The following TMTC1 variants were observed in gnomAD, a reference collection of about 807,000 sequenced individuals.
TMTC1 encodes the protein protein O-mannosyl-transferase TMTC1.
In TMTC1, 73 loss-of-function variants were observed where a neutral mutation model predicts 104.8. The ratio of observed to expected loss-of-function variants is 0.70; its 90% confidence interval spans 0.58 to 0.85. The LOEUF is 0.85. Ranked by LOEUF, TMTC1 falls within the 40% of genes least tolerant of loss-of-function variation. The probability of loss-of-function intolerance (pLI) is 0.00; values close to 1 mark genes in which losing one functional copy is unlikely to be tolerated. For missense variants in TMTC1, 1,035 were observed against 1,096.1 expected (o/e 0.94, Z 0.79); for synonymous variants, 434 against 428.7 (o/e 1.01, Z -0.15).
rs371129485 is a variant in TMTC1 at position 29,528,914 on chromosome 12, CA to C, written c.1785+7294del. ...TATATAAAAATAATTATTTTCAAAG[CA>C]AAAAAAATAGCGAGAATAGTGGCAT... On this transcript the variant is annotated intron_variant, in intron 11 of 17. Coordinates refer to ENST00000539277, the MANE Select transcript of TMTC1 (RefSeq NM_001193451.2). 7.3e-5 allele frequency among the ~76,000 whole-genome samples: 11 copies of C among 150,690 alleles called. No homozygotes were observed. The South Asian group carries it at 8.4e-4, about 11-fold the overall frequency.
chr12:29,695,793 T>TATA (rs1555188366), intron 5 of TMTC1, among the ~76,000 whole-genome samples: 1,048 of 83,476 alleles, frequency 0.013, 13 homozygotes, highest in Admixed American at 0.025. Flanking sequence ...TACTTCCTTT[T>TATA]TATATATATA....
intron 5 of TMTC1, among the ~76,000 whole-genome samples, chr12:29,749,853 C>T (rs533204475): frequency 4.6e-5 from 7 of 152,080 alleles, no homozygotes; most frequent in Admixed American, 4.6e-4. Flanking sequence ...TTAGCGAGTC[C>T]TATTGGGTCT....
chr12:29,689,455 A>T (rs1941198398), intron 5 of TMTC1, among the ~76,000 whole-genome samples: 1 of 152,088 alleles, frequency 6.6e-6, no homozygotes, highest in Admixed American at 6.6e-5. Context: ...CTGGGACTAC[A>T]GGCGTGCGCC....
chr12:29,742,100 ATC>A (rs1388089084), intron 5 of TMTC1, among the ~76,000 whole-genome samples: 1 of 152,188 alleles, frequency 6.6e-6, no homozygotes, highest in Non-Finnish European at 1.5e-5. Flanking sequence ...GAAAAAAAAA[ATC>A]TCTGATAAAG....
chr12:29,601,816 T>TAAG (rs1946572776), intron 7 of TMTC1, among the ~76,000 whole-genome samples: 1 of 151,904 alleles, frequency 6.6e-6, no homozygotes, highest in African/African-American at 2.4e-5. Context: ...AAACACTTTC[T>TAAG]AAGTTTTATA....
chr12:29,586,194 T>G (rs1946128742), intron 7 of TMTC1, among the ~76,000 whole-genome samples: 1 of 152,198 alleles, frequency 6.6e-6, no homozygotes, highest in African/African-American at 2.4e-5. Context: ...TTATTCTCTT[T>G]GAAGCAATTG....
rs2136114231 is a variant in TMTC1, at chr12:29,502,390, A to G, written c.*4456T>C. On this transcript the variant is annotated 3_prime_UTR_variant, in exon 18 of 18. Coordinates refer to ENST00000539277, the MANE Select transcript of TMTC1 (RefSeq NM_001193451.2). ...TAACAAGTACAAAGAAATAATTAAC[A>G]AAAGCTCATGTGTGCCCAAAATAAA... 1 of 152,018 alleles carries G rather than the reference A, an allele frequency of 6.6e-6. No homozygotes were observed. The highest frequency in any genetic ancestry group is 6.5e-5 in the Admixed American group (1 of 15,276). The allele number at this position is 152,018 out of a possible 1,614,324, so 9.4% of individuals were successfully genotyped here.
intron 9 of TMTC1, among the ~76,000 whole-genome samples, chr12:29,570,881 A>AAC (rs1945651903): frequency 1.2e-3 from 37 of 31,322 alleles, no homozygotes; most frequent in Non-Finnish European, 2.3e-3. Context: ...AAACAGAAAC[A>AAC]CCCCCCCCCC....
Position 29,641,272 on chromosome 12 carries a change from TAGG to T in TMTC1, c.939-7939_939-7937del, listed in dbSNP as rs546784882. On this transcript the variant is annotated intron_variant, in intron 5 of 17. Transcript: ENST00000539277. ...CTCTCTGGAAAGCACCACCTCCTGG[TAGG>T]AGGCCAACCAGCACAAAAATAGAGC... is the stretch of plus-strand genomic sequence containing the variant. 2.6e-5 allele frequency: 4 copies of T among 152,528 alleles called. No individual in the cohort carries two copies. The South Asian group carries it at 6.2e-4, about 24-fold the overall frequency. 9.4% of individuals were successfully genotyped at this position (152,528 alleles called of 1,614,324 possible).
chr12:29,586,373 A>G (rs555783865), intron 7 of TMTC1, among the ~76,000 whole-genome samples: 3,213 of 152,278 alleles, frequency 0.021, 57 homozygotes, highest in African/African-American at 0.052. Context: ...CAATCATGTC[A>G]TCTGCAAACA....
At chr12:29,769,594 G>C (rs1943550360) in intron 1 of TMTC1, among the ~76,000 whole-genome samples, 1 of 152,230 alleles carries the variant, frequency 6.6e-6, no homozygotes, top group African/African-American at 2.4e-5. Context: ...GGAAGGTCAA[G>C]ACCAAGTCCA....
chr12:29,704,026 T>C (rs908623707), intron 5 of TMTC1, among the ~76,000 whole-genome samples: 9 of 152,176 alleles, frequency 5.9e-5, no homozygotes, highest in Non-Finnish European at 7.3e-5. Flanking sequence ...TGTGAGTCCA[T>C]TGAACCTCTT....
At chr12:29,524,115 A>T (rs1314454402) in intron 11 of TMTC1, among the ~76,000 whole-genome samples, 1 of 152,160 alleles carries the variant, frequency 6.6e-6, no homozygotes, top group Non-Finnish European at 1.5e-5. Flanking sequence ...ATCTCAATTA[A>T]AGAGAGACCA....
At chr12:29,573,304 A>G (rs1047232841) in intron 8 of TMTC1, among the ~76,000 whole-genome samples, 1 of 152,234 alleles carries the variant, frequency 6.6e-6, no homozygotes, top group African/African-American at 2.4e-5. Flanking sequence ...AAGTTAATGC[A>G]GGCCCAAGCA....
intron 9 of TMTC1, among the ~76,000 whole-genome samples, chr12:29,564,932 G>A (rs1016717929): frequency 5.3e-5 from 8 of 151,580 alleles, no homozygotes; most frequent in African/African-American, 2.0e-4. Flanking sequence ...ATGGAACCTT[G>A]AGCAGAAAAG....
At chr12:29,677,267 T>C (rs1349482296) in intron 5 of TMTC1, among the ~76,000 whole-genome samples, 1 of 152,238 alleles carries the variant, frequency 6.6e-6, no homozygotes, top group Non-Finnish European at 1.5e-5. Context: ...GTCTGTTTAG[T>C]ACCTTGTGAT....
intron 8 of TMTC1, 116 bp downstream of exon 8, chr12:29,583,291 A>T: frequency 1.1e-6 from 1 of 931,512 alleles, no homozygotes; most frequent in Non-Finnish European, 1.5e-6. Context: ...AAACTTTATT[A>T]AAGATAATTT....
At chr12:29,636,129 T>C (rs1255775527) in intron 5 of TMTC1, among the ~76,000 whole-genome samples, 1 of 152,130 alleles carries the variant, frequency 6.6e-6, no homozygotes, top group East Asian at 1.9e-4. Flanking sequence ...TAAGATGATG[T>C]CTGGGATTTG....
intron 7 of TMTC1, among the ~76,000 whole-genome samples, chr12:29,599,962 ATATATATGTG>A (rs1489836833): frequency 1.5e-5 from 2 of 134,060 alleles, no homozygotes; most frequent in African/African-American, 6.9e-5. Context: ...ATATGTGTAT[ATATATATGTG>A]TGTGTGTGTG....
Sources: gnomAD v4.1 joint callset for allele counts (sites outside exome capture counted in the v4.1 genomes callset) on GRCh38, gnomAD v4.1.1 for gene constraint, MANE v1.5 for transcripts, NCBI Gene and HGNC (gene_info 2026-07-23, HGNC 2026-07-21) for gene names.